GRM3: variants seen among roughly 807,000 people sequenced by gnomAD.
GRM3 encodes metabotropic glutamate receptor 3.
GRM3 carries 26 observed loss-of-function variants against 70.5 expected under a neutral mutation model. The ratio of observed to expected loss-of-function variants is 0.37; its 90% confidence interval spans 0.27 to 0.51. The LOEUF is 0.51. GRM3 is among the 20% of genes least tolerant of loss of function. The pLI, the probability that GRM3 is intolerant of heterozygous loss-of-function variation, is 0.93. For missense variants in GRM3, 859 were observed against 1,123.8 expected (o/e 0.76, Z 3.37); for synonymous variants, 443 against 434.9 (o/e 1.02, Z -0.23).
intron 1 of GRM3, among the ~76,000 whole-genome samples, chr7:86,763,779 T>C (rs1009743401): frequency 1.3e-5 from 2 of 152,116 alleles, no homozygotes; most frequent in African/African-American, 4.8e-5. Flanking sequence ...CCATCATCTA[T>C]AGTTGTACAG....
intron 1 of GRM3, among the ~76,000 whole-genome samples, chr7:86,733,443 C>G (rs1426136758): frequency 6.6e-6 from 1 of 152,068 alleles, no homozygotes; most frequent in Non-Finnish European, 1.5e-5. Flanking sequence ...TTCTTCCTTC[C>G]TGAAGGTACC....
intron 1 of GRM3, among the ~76,000 whole-genome samples, chr7:86,721,510 C>T (rs931599304): frequency 6.6e-6 from 1 of 151,952 alleles, no homozygotes; most frequent in Non-Finnish European, 1.5e-5. Context: ...TATTATTGTT[C>T]TGGAATTCCA....
At chr7:86,696,313 A>G (rs1794815994) in intron 1 of GRM3, among the ~76,000 whole-genome samples, 1 of 152,168 alleles carries the variant, frequency 6.6e-6, no homozygotes, top group Admixed American at 6.5e-5. Flanking sequence ...GGTTCCTTAT[A>G]AGAGAGAAAC....
chr7:86,665,759 G>A (rs1794009311), intron 1 of GRM3, among the ~76,000 whole-genome samples: 1 of 152,004 alleles, frequency 6.6e-6, no homozygotes, highest in South Asian at 2.1e-4. Flanking sequence ...TTATAAGGAA[G>A]CCAAATAATG....
chr7:86,746,647 T>C (rs1796112422), intron 1 of GRM3, among the ~76,000 whole-genome samples: 1 of 151,880 alleles, frequency 6.6e-6, no homozygotes, highest in South Asian at 2.1e-4. Context: ...CTTTTAAAAT[T>C]GCATAAATTC....
At chr7:86,736,505 C>T (rs978520279) in intron 1 of GRM3, among the ~76,000 whole-genome samples, 3 of 152,154 alleles carry the variant, frequency 2.0e-5, no homozygotes, top group African/African-American at 7.2e-5. Flanking sequence ...GAGACAGAGT[C>T]GTGCTCTGTT....
chr7:86,812,092 G>A (rs1380506582), intron 3 of GRM3, among the ~76,000 whole-genome samples: 2 of 151,716 alleles, frequency 1.3e-5, no homozygotes, highest in Admixed American at 6.6e-5. Context: ...TGTAGTCACG[G>A]CATTCACAAC....
chr7:86,835,067 T>C (rs1798429072), intron 3 of GRM3, among the ~76,000 whole-genome samples: 1 of 152,130 alleles, frequency 6.6e-6, no homozygotes, highest in African/African-American at 2.4e-5. Context: ...TTTAGTATAA[T>C]ACTGTGGTAG....
At chr7:86,770,228 T>C (rs1337801949) in intron 2 of GRM3, among the ~76,000 whole-genome samples, 1 of 152,138 alleles carries the variant, frequency 6.6e-6, no homozygotes, top group African/African-American at 2.4e-5. Context: ...GACCCAGTTA[T>C]TGTTTTGTCC....
At chr7:86,847,762 T>C (rs777856218) in intron 4 of GRM3, among the ~76,000 whole-genome samples, 1 of 152,188 alleles carries the variant, frequency 6.6e-6, no homozygotes, top group Non-Finnish European at 1.5e-5. Context: ...AAGCTGGTAG[T>C]ATTCAAAGGG....
intron 1 of GRM3, among the ~76,000 whole-genome samples, chr7:86,700,226 C>T (rs1244879681): frequency 1.3e-5 from 2 of 151,930 alleles, no homozygotes; most frequent in Non-Finnish European, 2.9e-5. Context: ...TAGCCAACTA[C>T]TTATTTTAGA....
At chr7:86,849,250 A>T (rs1348824118) in intron 4 of GRM3, among the ~76,000 whole-genome samples, 1 of 152,148 alleles carries the variant, frequency 6.6e-6, no homozygotes, top group Non-Finnish European at 1.5e-5. Context: ...ACAGAATCAG[A>T]TAGCAGCTTG....
intron 1 of GRM3, among the ~76,000 whole-genome samples, chr7:86,704,605 C>A (rs545495770): frequency 1.3e-5 from 2 of 151,754 alleles, no homozygotes; most frequent in Non-Finnish European, 2.9e-5. Context: ...CAACTTTAAT[C>A]GGCTCAATAT....
chr7:86,796,291 T>A (rs1330966479), intron 3 of GRM3, among the ~76,000 whole-genome samples: 1 of 152,202 alleles, frequency 6.6e-6, no homozygotes, highest in Admixed American at 6.5e-5. Context: ...GGCTAGCCAG[T>A]TTTCCCAGCA....
At chr7:86,821,857 G>A (rs752115853) in intron 3 of GRM3, among the ~76,000 whole-genome samples, 6 of 151,278 alleles carry the variant, frequency 4.0e-5, no homozygotes, top group Non-Finnish European at 8.8e-5. Context: ...TTTAAAAATC[G>A]TTCCCTTCAT....
At chr7:86,689,319 G>A (rs942934801) in intron 1 of GRM3, among the ~76,000 whole-genome samples, 1 of 151,872 alleles carries the variant, frequency 6.6e-6, no homozygotes, top group Non-Finnish European at 1.5e-5. Flanking sequence ...GTGGGGCAGC[G>A]AGCAGTAAAT....
At chr7:86,820,019 G>T (rs114924750) in intron 3 of GRM3, among the ~76,000 whole-genome samples, 2,302 of 152,196 alleles carry the variant, frequency 0.015, 48 homozygotes, top group African/African-American at 0.052. Flanking sequence ...CTAGAACAAA[G>T]CTTTCATTTT....
intron 1 of GRM3, among the ~76,000 whole-genome samples, chr7:86,730,905 C>T (rs944044879): frequency 1.3e-5 from 2 of 152,158 alleles, no homozygotes; most frequent in African/African-American, 2.4e-5. Context: ...TTAATAGGGT[C>T]AGCTATCACT....
At position 86,659,529 on chromosome 7, in the gene GRM3, T is replaced by C. The variant is rs1584144552; in HGVS notation, c.-141+14657T>C. Among the ~76,000 whole-genome samples the C allele has an allele frequency of 2.6e-5, 4 of 152,218 alleles. No individual in the cohort carries two copies. In the South Asian group the frequency reaches 8.3e-4, roughly 32 times the overall value. On this transcript the variant is annotated intron_variant, in intron 1 of 5. Transcript: ENST00000361669. The stretch of plus-strand genomic sequence containing the variant: ...GAATTTGACCAGTTGAATATATTGC[T>C]TCTCTCAGGAAAGCATCCCAAAACT...
Sources: allele counts gnomAD v4.1 joint callset (sites outside exome capture counted in the v4.1 genomes callset), GRCh38; gene constraint gnomAD v4.1.1; transcripts MANE v1.5; gene names NCBI Gene and HGNC (gene_info 2026-07-23, HGNC 2026-07-21).